Variants in PODXL observed in about 807,000 individuals in gnomAD.
PODXL encodes podocalyxin.
A neutral mutation model predicts 48.9 loss-of-function variants in PODXL; 20 were observed. The ratio of observed to expected loss-of-function variants is 0.41; its 90% CI spans 0.29 to 0.59. The LOEUF is 0.59. Among genes scored for constraint, PODXL ranks in the 20% least tolerant of loss-of-function variants. The pLI is 0.31. For missense variants in PODXL, 606 were observed against 675.1 expected, an observed-to-expected ratio of 0.90 and a Z score of 1.13; for synonymous variants, 295 against 287.4, an observed-to-expected ratio of 1.03 and a Z score of -0.27.
intron 4 of PODXL, 159 bp from the exon 5 acceptor site, chr7:131,509,187 T>C (rs1385548758): frequency 1.2e-6 from 1 of 820,792 alleles, no homozygotes; most frequent in Admixed American, 2.0e-5. Context: ...CTGCGTGGCT[T>C]GAGGGCAGCT....
chr7:131,536,591 G>A (rs559757281), intron 1 of PODXL, among the ~76,000 whole-genome samples: 3 of 152,238 alleles, frequency 2.0e-5, no homozygotes, highest in Non-Finnish European at 4.4e-5. Context: ...AGGTTAAGGC[G>A]CCTAATCTGG....
chr7:131,508,815 AG>A (rs1220552961), intron 5 of PODXL, 135 bp downstream of exon 5: 4 of 719,492 alleles, frequency 5.6e-6, no homozygotes, highest in Non-Finnish European at 1.0e-5. Flanking sequence ...CCTACTAGGA[AG>A]AAATGAGGGC....
At chr7:131,540,046 T>G (rs1047256723) in intron 1 of PODXL, among the ~76,000 whole-genome samples, 5 of 152,106 alleles carry the variant, frequency 3.3e-5, no homozygotes, top group Non-Finnish European at 5.9e-5. Context: ...TACCTTTTAA[T>G]TTTTAATCTT....
At chr7:131,548,270 G>A (rs1016825136) in intron 1 of PODXL, among the ~76,000 whole-genome samples, 1 of 152,252 alleles carries the variant, frequency 6.6e-6, no homozygotes, top group Non-Finnish European at 1.5e-5. Flanking sequence ...GGTTTGCAGG[G>A]ACCAGTTCTG....
chr7:131,502,206 C>G lies in PODXL; in HGVS notation c.*2105G>C, dbSNP rs1292807819. 1.3e-5 allele frequency: 2 copies of G among 152,188 alleles called. No homozygotes were observed. The highest frequency in any genetic ancestry group is 1.9e-4 in the East Asian group (1 of 5,182). 9.4% of individuals were successfully genotyped at this position (152,188 alleles called of 1,614,324 possible). ...CTCCCACGGGACCACAACAGAAAAC[C>G]TACTGGGTGGAGAGAACCCAGCGCT... On this transcript the variant is annotated 3_prime_UTR_variant, in exon 9 of 9. Transcript: ENST00000378555.
chr7:131,504,310 A>C lies in PODXL; in HGVS notation c.*1T>G. ...CTGCTGGAGGCCACCGGCAGACCGG[A>C]CTAGAGGTGTGTGTCTTCCTCCTCA... On this transcript the variant is annotated 3_prime_UTR_variant, in exon 9 of 9. Transcript: ENST00000378555. The C allele has an allele frequency of 6.2e-7, 1 of 1,613,720 alleles. No individual in the cohort carries two copies. The highest frequency in any genetic ancestry group is 8.5e-7 in the Non-Finnish European group (1 of 1,179,716).
intron 1 of PODXL, among the ~76,000 whole-genome samples, chr7:131,537,985 C>A (rs1028795595): frequency 6.6e-6 from 1 of 152,188 alleles, no homozygotes; most frequent in African/African-American, 2.4e-5. Context: ...GGCATTTGGG[C>A]GGCTTCCAGT....
chr7:131,556,422 G>A lies in PODXL; in HGVS notation c.-63C>T, dbSNP rs1798749400. 7 of 1,323,884 alleles carry A rather than the reference G, an allele frequency of 5.3e-6. No individual in the cohort carries two copies. The South Asian group carries it at 1.3e-4, about 25-fold the overall frequency. 82.0% of individuals were successfully genotyped at this position (1,323,884 alleles called of 1,614,324 possible). On this transcript the variant is annotated 5_prime_UTR_variant, in exon 1 of 9. Transcript: ENST00000378555. ...GTGCCGGCGGAGGATCCGCGCGTCC[G>A]GGCGGTAGGAGCGTGGGCGCCGCCC...
intron 1 of PODXL, among the ~76,000 whole-genome samples, chr7:131,534,207 C>T: frequency 6.6e-6 from 1 of 152,172 alleles, no homozygotes; most frequent in Non-Finnish European, 1.5e-5. Context: ...CTCAGTGAGG[C>T]ATGGCTGATC....
At chr7:131,543,081 A>G (rs1357073319) in intron 1 of PODXL, among the ~76,000 whole-genome samples, 7 of 152,274 alleles carry the variant, frequency 4.6e-5, no homozygotes, top group Non-Finnish European at 8.8e-5. Flanking sequence ...GTTCAGCCAA[A>G]TGTATGTTTT....
chr7:131,504,513 A>T lies in PODXL; in HGVS notation c.1480-5T>A. On this transcript the variant is annotated splice_region_variant and splice_polypyrimidine_tract_variant and intron_variant, in intron 8 of 8. Coordinates refer to ENST00000378555, the MANE Select transcript of PODXL (RefSeq NM_001018111.3). ...CAGCTCCTCTGTTAGCCGCTGCTAG[A>T]GTGGGGAAGGTGACCGGTGAGAAGG... The T allele has an allele frequency of 6.2e-7, 1 of 1,613,940 alleles. No individual in the cohort carries two copies. Among genetic ancestry groups the T allele is most frequent in the South Asian group, 1.1e-5 (1 of 91,070 alleles).
Position 131,529,939 on chromosome 7 carries a change from AGGGGTATAGGCGGGAGGGCTTGCG to A in PODXL, c.101-18530_101-18507del, listed in dbSNP as rs1423607676. ...CAGAGGGCTTGCGCTGGGCCTCCCT[AGGGGTATAGGCGGGAGGGCTTGCG>A]CTGGGCCTCCCTAGGGGTATAGGCG... is the stretch of plus-strand genomic sequence containing the variant. On this transcript the variant is annotated intron_variant, in intron 1 of 8. Transcript: ENST00000378555. Among the ~76,000 whole-genome samples, 4 of 32,760 alleles carry A rather than the reference AGGGGTATAGGCGGGAGGGCTTGCG, an allele frequency of 1.2e-4. No individual in the cohort carries two copies. The East Asian group carries it at 3.7e-3, about 30-fold the overall frequency. The allele number at this position is 32,760 out of a possible 152,430, so 21.5% of individuals were successfully genotyped here.
intron 5 of PODXL, among the ~76,000 whole-genome samples, chr7:131,508,695 C>A (rs919534613): frequency 1.8e-5 from 2 of 110,080 alleles, no homozygotes; most frequent in African/African-American, 7.6e-5. Flanking sequence ...ACAGTGAAAG[C>A]CGAGGAAACC....
At chr7:131,550,867 G>A (rs1007340) in intron 1 of PODXL, among the ~76,000 whole-genome samples, 21,350 of 151,986 alleles carry the variant, frequency 0.14, 3,086 homozygotes, top group African/African-American at 0.37. Context: ...GAACTTGGGC[G>A]AATGAACCCA....
intron 2 of PODXL, 30 bp downstream of exon 2, chr7:131,510,798 G>C: frequency 6.2e-7 from 1 of 1,613,660 alleles, no homozygotes; most frequent in East Asian, 2.2e-5. Flanking sequence ...AAAGTTTCTT[G>C]GTGCTTGAAG....
At chr7:131,536,935 GC>G (rs972561323) in intron 1 of PODXL, among the ~76,000 whole-genome samples, 1 of 151,882 alleles carries the variant, frequency 6.6e-6, no homozygotes, top group Non-Finnish European at 1.5e-5. Context: ...GACCAGCCTG[GC>G]CAACATGGTG....
chr7:131,506,003 C>T lies in PODXL; in HGVS notation c.1344G>A (p.Gln448=). ...GGTCCTCGGCCTCCTCCGGTGGCCCCTGGTCCCCTAGCTTCATGTCACTGA... is the reference window on the plus strand; with the variant it reads ...GGTCCTCGGCCTCCTCCGGTGGCCCTTGGTCCCCTAGCTTCATGTCACTGA... ...AGVSDMKLGD[Q]GPPEEAEDRF... is the part of the protein sequence containing the mutation. Residue 448 remains glutamine, a synonymous_variant, in exon 8 of 9, where the codon CAG becomes CAA. Transcript: ENST00000378555. 6.2e-7 allele frequency: 1 copy of T among 1,612,834 alleles called. No individual in the cohort carries two copies. The highest frequency in any genetic ancestry group is 8.5e-7 in the Non-Finnish European group (1 of 1,179,598).
intron 7 of PODXL, 79 bp from the exon 8 acceptor site, chr7:131,506,114 C>T: frequency 6.4e-7 from 1 of 1,557,824 alleles, no homozygotes; most frequent in Non-Finnish European, 8.8e-7. Context: ...AGCCCCTCCG[C>T]TTGCAGTCTG....
At chr7:131,527,147 G>A (rs1798200986) in intron 1 of PODXL, among the ~76,000 whole-genome samples, 1 of 152,146 alleles carries the variant, frequency 6.6e-6, no homozygotes, top group South Asian at 2.1e-4. Flanking sequence ...CCCCATACAG[G>A]TAGCAAGAAA....
Sources: gnomAD v4.1 joint callset for allele counts (sites outside exome capture counted in the v4.1 genomes callset) on GRCh38, gnomAD v4.1.1 for gene constraint, MANE v1.5 for transcripts, NCBI Gene and HGNC (gene_info 2026-07-23, HGNC 2026-07-21) for gene names.